LRRC4C: variants seen among roughly 807,000 people sequenced by gnomAD.
LRRC4C encodes leucine-rich repeat-containing protein 4C.
A neutral mutation model predicts 33.6 loss-of-function variants in LRRC4C; 5 were observed. That is an observed-to-expected ratio of 0.15 (90% CI 0.08 to 0.31). LRRC4C has a LOEUF of 0.31. Among genes scored for constraint, LRRC4C ranks in the 10% least tolerant of loss-of-function variants. LRRC4C has a pLI of 1.00. For missense variants in LRRC4C, 560 were observed against 796.7 expected (o/e 0.70, Z 3.58); for synonymous variants, 329 against 302.0 (o/e 1.09, Z -0.93).
At chr11:41,217,749 A>G (rs1408727771) in intron 1 of LRRC4C, among the ~76,000 whole-genome samples, 1 of 152,180 alleles carries the variant, frequency 6.6e-6, no homozygotes, top group Admixed American at 6.5e-5. Flanking sequence ...TGCAATGTGC[A>G]TTGCTTCTGT....
intron 5 of LRRC4C, among the ~76,000 whole-genome samples, chr11:40,228,865 C>T (rs1864996264): frequency 6.6e-6 from 1 of 152,138 alleles, no homozygotes. Flanking sequence ...TTTAGGTTGG[C>T]TGTACAAAAT....
At chr11:41,259,440 A>C (rs1948905697) in intron 1 of LRRC4C, among the ~76,000 whole-genome samples, 1 of 152,024 alleles carries the variant, frequency 6.6e-6, no homozygotes, top group Non-Finnish European at 1.5e-5. Context: ...TCTTGTCTCT[A>C]AGTATCTTTT....
At chr11:41,194,535 T>C (rs967628277) in intron 1 of LRRC4C, among the ~76,000 whole-genome samples, 4 of 152,124 alleles carry the variant, frequency 2.6e-5, no homozygotes, top group African/African-American at 9.7e-5. Flanking sequence ...ATTATTTCCC[T>C]TGTTGGCTTC....
intron 1 of LRRC4C, among the ~76,000 whole-genome samples, chr11:41,188,248 G>A (rs748795015): frequency 2.0e-5 from 3 of 151,992 alleles, no homozygotes; most frequent in Non-Finnish European, 4.4e-5. Flanking sequence ...GGGAAAGCAA[G>A]AATTCCCACG....
intron 1 of LRRC4C, among the ~76,000 whole-genome samples, chr11:41,325,101 T>A (rs1951069126): frequency 6.6e-6 from 1 of 152,176 alleles, no homozygotes; most frequent in Admixed American, 6.5e-5. Flanking sequence ...AAAAATATAA[T>A]GTATACTGGG....
intron 3 of LRRC4C, among the ~76,000 whole-genome samples, chr11:40,427,498 ACT>A (rs1950759962): frequency 6.6e-6 from 1 of 151,156 alleles, no homozygotes; most frequent in African/African-American, 2.4e-5. Flanking sequence ...ACAGAGTGAA[ACT>A]CTGTCTCAAA....
At chr11:40,660,417 C>A (rs1354710618) in intron 2 of LRRC4C, among the ~76,000 whole-genome samples, 1 of 152,172 alleles carries the variant, frequency 6.6e-6, no homozygotes, top group African/African-American at 2.4e-5. Flanking sequence ...AAGTTTCTGG[C>A]TGGAAAAGCA....
intron 5 of LRRC4C, among the ~76,000 whole-genome samples, chr11:40,191,841 T>A (rs10837360): frequency 0.42 from 63,222 of 151,766 alleles, 13,517 homozygotes; most frequent in South Asian, 0.63. Flanking sequence ...GCACCTGTAG[T>A]CCCAGCTACT....
At chr11:40,373,755 G>A (rs1041994143) in intron 3 of LRRC4C, among the ~76,000 whole-genome samples, 1 of 152,044 alleles carries the variant, frequency 6.6e-6, no homozygotes, top group Non-Finnish European at 1.5e-5. Context: ...AAGGAGCTTG[G>A]CTCCTACTCC....
chr11:40,200,830 T>C (rs12363681), intron 5 of LRRC4C, among the ~76,000 whole-genome samples: 64,895 of 148,986 alleles, frequency 0.44, 14,542 homozygotes, highest in South Asian at 0.63. Context: ...AAGCAGTCTT[T>C]CAAAATTTTG....
At chr11:40,548,275 A>G (rs139123389) in intron 3 of LRRC4C, among the ~76,000 whole-genome samples, 216 of 152,184 alleles carry the variant, frequency 1.4e-3, no homozygotes, top group African/African-American at 5.0e-3. Context: ...ATGTGACTTT[A>G]TTTAGAGAGA....
intron 2 of LRRC4C, among the ~76,000 whole-genome samples, chr11:40,715,636 C>T (rs1430322880): frequency 2.0e-5 from 3 of 152,136 alleles, no homozygotes; most frequent in Non-Finnish European, 1.5e-5. Context: ...ACTGGACATG[C>T]CACATATCCT....
chr11:41,297,331 T>A (rs7938487), intron 1 of LRRC4C, among the ~76,000 whole-genome samples: 1 of 152,190 alleles, frequency 6.6e-6, no homozygotes, highest in Admixed American at 6.5e-5. Context: ...ATCAGAGAAA[T>A]TGGTCTATGG....
chr11:41,051,266 A>G (rs925500584), intron 1 of LRRC4C, among the ~76,000 whole-genome samples: 2 of 152,166 alleles, frequency 1.3e-5, no homozygotes, highest in Admixed American at 6.6e-5. Context: ...TCCATTAGTT[A>G]ATTGTACTTC....
chr11:41,083,438 C>T (rs1213748225), intron 1 of LRRC4C, among the ~76,000 whole-genome samples: 1 of 152,010 alleles, frequency 6.6e-6, no homozygotes, highest in East Asian at 1.9e-4. Flanking sequence ...AACATTACAC[C>T]GACTTTCTCA....
chr11:41,344,989 T>C (rs778529244), intron 1 of LRRC4C, among the ~76,000 whole-genome samples: 1 of 151,824 alleles, frequency 6.6e-6, no homozygotes, highest in African/African-American at 2.4e-5. Context: ...TTTTTTCCCC[T>C]GTTTCCTGGG....
chr11:40,168,888 A>G (rs150972603), intron 5 of LRRC4C, among the ~76,000 whole-genome samples: 333 of 152,284 alleles, frequency 2.2e-3, no homozygotes, highest in African/African-American at 7.6e-3. Flanking sequence ...CTGCCCCAAC[A>G]CACTGGTTCC....
chr11:40,208,512 A>G (rs1565135352), intron 5 of LRRC4C, among the ~76,000 whole-genome samples: 1 of 152,200 alleles, frequency 6.6e-6, no homozygotes, highest in East Asian at 1.9e-4. Flanking sequence ...GAGTCCTGGT[A>G]TCTTATATGT....
intron 1 of LRRC4C, among the ~76,000 whole-genome samples, chr11:40,941,975 A>G (rs1958170857): frequency 6.6e-6 from 1 of 152,152 alleles, no homozygotes; most frequent in Admixed American, 6.6e-5. Context: ...ACACACAATA[A>G]ATTTATTGGC....
Sources: allele counts gnomAD v4.1 joint callset (sites outside exome capture counted in the v4.1 genomes callset), GRCh38; gene constraint gnomAD v4.1.1; transcripts MANE v1.5; gene names NCBI Gene and HGNC (gene_info 2026-07-23, HGNC 2026-07-21).